Variants in PIK3C2G observed in about 807,000 individuals in gnomAD.
PIK3C2G encodes the protein phosphatidylinositol-4-phosphate 3-kinase catalytic subunit type 2 gamma.
In PIK3C2G, 168 loss-of-function variants were observed where a neutral mutation model predicts 181.1. The ratio of observed to expected loss-of-function variants is 0.93; its 90% CI spans 0.82 to 1.05. The LOEUF (loss-of-function observed/expected upper bound fraction) is 1.05, where lower values mean the gene tolerates loss of function less well. Ranked by LOEUF, PIK3C2G falls within the 50% of genes least tolerant of loss-of-function variation. PIK3C2G has a pLI of 0.00. For synonymous variants in PIK3C2G, 573 were observed against 592.2 expected (o/e 0.97, Z 0.47); for missense variants, 1,869 against 1,732.8 (o/e 1.08, Z -1.40).
At chr12:18,696,937 C>T in the PIK3C2G span, among the ~76,000 whole-genome samples, 1 of 152,108 alleles carries the variant, frequency 6.6e-6, no homozygotes, top group African/African-American at 2.4e-5. Context: ...TACACACAAA[C>T]AGGAACAAAC....
chr12:18,572,567 T>C (rs754836730), intron 29 of PIK3C2G, among the ~76,000 whole-genome samples: 2 of 151,688 alleles, frequency 1.3e-5, no homozygotes, highest in African/African-American at 4.8e-5. Flanking sequence ...AGATGTAATG[T>C]TGTTACTTTT....
chr12:18,320,822 T>C (rs952613932), intron 6 of PIK3C2G, 140 bp from the exon 7 acceptor site: 2 of 594,814 alleles, frequency 3.4e-6, no homozygotes, highest in Non-Finnish European at 6.0e-6. Context: ...TTTTAAGGTC[T>C]TTCAGACAGA....
intron 24 of PIK3C2G, among the ~76,000 whole-genome samples, chr12:18,514,917 T>G (rs1258819790): frequency 1.3e-5 from 2 of 152,014 alleles, no homozygotes; most frequent in African/African-American, 2.4e-5. Context: ...ATTTTCCTTT[T>G]AAACCTAATT....
At chr12:18,302,941 TC>T in intron 5 of PIK3C2G, among the ~76,000 whole-genome samples, 1 of 151,956 alleles carries the variant, frequency 6.6e-6, no homozygotes, top group East Asian at 2.0e-4. Flanking sequence ...GCAGGGTGAT[TC>T]CCAGGGTCCC....
At chr12:18,334,072 A>G (rs1938260677) in intron 8 of PIK3C2G, among the ~76,000 whole-genome samples, 2 of 152,164 alleles carry the variant, frequency 1.3e-5, no homozygotes, top group African/African-American at 2.4e-5. Flanking sequence ...AATATTTCCA[A>G]CGATAAGCTT....
At position 18,555,538 on chromosome 12, in the gene PIK3C2G, T is replaced by C. The variant is rs563547481; in HGVS notation, c.3591-7165T>C. ...ATAAGCAATTAAAATATTTAGTTTG[T>C]ATAAAAAGTGCATGTATTATGAAGT... On this transcript the variant is annotated intron_variant, in intron 26 of 32. Coordinates refer to ENST00000538779, the MANE Select transcript of PIK3C2G (RefSeq NM_001288772.2). Among the ~76,000 whole-genome samples the C allele has an allele frequency of 4.6e-5, 7 of 152,252 alleles. No homozygotes were observed. The East Asian group carries it at 5.8e-4, about 13-fold the overall frequency.
intron 30 of PIK3C2G, among the ~76,000 whole-genome samples, chr12:18,599,965 G>A (rs1363670365): frequency 2.0e-5 from 3 of 151,690 alleles, no homozygotes; most frequent in Non-Finnish European, 4.4e-5. Context: ...GAACACACAA[G>A]AAGAAACACA....
chr12:18,426,629 T>C (rs1211372137), intron 18 of PIK3C2G, among the ~76,000 whole-genome samples: 2 of 152,222 alleles, frequency 1.3e-5, no homozygotes, highest in Admixed American at 6.5e-5. Context: ...ACAGGCATCA[T>C]TTAGTTGCTT....
chr12:18,643,240 A>C (rs1465306878), intron 32 of PIK3C2G, among the ~76,000 whole-genome samples: 1 of 152,136 alleles, frequency 6.6e-6, no homozygotes, highest in Non-Finnish European at 1.5e-5. Flanking sequence ...GTCCTCACAC[A>C]TCCATAACCC....
At chr12:18,619,939 T>C (rs1333669373) in intron 31 of PIK3C2G, among the ~76,000 whole-genome samples, 1 of 152,062 alleles carries the variant, frequency 6.6e-6, no homozygotes, top group Non-Finnish European at 1.5e-5. Context: ...TTAGCCAGGA[T>C]GTTCTCCATC....
intron 18 of PIK3C2G, among the ~76,000 whole-genome samples, chr12:18,452,893 C>A (rs1373897289): frequency 1.3e-5 from 2 of 152,140 alleles, no homozygotes; most frequent in African/African-American, 4.8e-5. Context: ...ATTTCTTAAT[C>A]CTGAATTCTA....
At chr12:18,597,626 T>G (rs188898895) in intron 30 of PIK3C2G, among the ~76,000 whole-genome samples, 1 of 152,094 alleles carries the variant, frequency 6.6e-6, no homozygotes, top group African/African-American at 2.4e-5. Context: ...CTATTCAACA[T>G]AGTGTTGGAA....
intron 18 of PIK3C2G, among the ~76,000 whole-genome samples, chr12:18,458,591 G>C (rs1592311190): frequency 6.6e-6 from 1 of 152,082 alleles, no homozygotes; most frequent in South Asian, 2.1e-4. Context: ...AATATGATGA[G>C]TATCACTCTT....
intron 18 of PIK3C2G, among the ~76,000 whole-genome samples, chr12:18,443,018 C>T (rs1338824567): frequency 6.6e-6 from 1 of 151,902 alleles, no homozygotes; most frequent in African/African-American, 2.4e-5. Context: ...ATTACAGGCA[C>T]CCGCCACCAT....
intron 10 of PIK3C2G, among the ~76,000 whole-genome samples, chr12:18,345,227 G>T (rs1939555338): frequency 6.9e-6 from 1 of 145,422 alleles, no homozygotes; most frequent in African/African-American, 2.7e-5. Flanking sequence ...ATCTCTGTTG[G>T]TTGGCCTCCA....
At chr12:18,538,650 A>G (rs368611953) in intron 25 of PIK3C2G, among the ~76,000 whole-genome samples, 7 of 151,952 alleles carry the variant, frequency 4.6e-5, no homozygotes, top group East Asian at 3.9e-4. Context: ...TGCCTTATAT[A>G]TACTATCTCA....
chr12:18,520,688 A>G (rs7315758), intron 24 of PIK3C2G, among the ~76,000 whole-genome samples: 18,574 of 151,994 alleles, frequency 0.12, 1,325 homozygotes, highest in Non-Finnish European at 0.17. Context: ...GTAGCTTGCT[A>G]TTACCCCCCT....
chr12:18,496,573 T>G (rs1399812754), intron 21 of PIK3C2G, among the ~76,000 whole-genome samples: 2 of 151,946 alleles, frequency 1.3e-5, no homozygotes, highest in South Asian at 2.1e-4. Context: ...GTAATTTGAG[T>G]TTTTTTTAAT....
At chr12:18,714,563 G>C in the PIK3C2G span, 7 of 152,140 alleles carry the variant, frequency 4.6e-5, no homozygotes, top group Non-Finnish European at 7.3e-5. Context: ...CGGGATCTTA[G>C]AATCGATACA....
Sources: gnomAD v4.1 joint callset for allele counts (sites outside exome capture counted in the v4.1 genomes callset) on GRCh38, gnomAD v4.1.1 for gene constraint, MANE v1.5 for transcripts, NCBI Gene and HGNC (gene_info 2026-07-23, HGNC 2026-07-21) for gene names.